SMCO4: variants seen among roughly 807,000 people sequenced by gnomAD.
The protein encoded by SMCO4 is single-pass membrane and coiled-coil domain-containing protein 4.
A neutral mutation model predicts 3.6 loss-of-function variants in SMCO4; 4 were observed. That is an observed-to-expected ratio of 1.11 (90% CI 0.54 to 2.53). SMCO4 has a LOEUF of 2.53. Ranked by LOEUF, SMCO4 falls within the 30% of genes most tolerant of loss-of-function variation. The pLI, the probability that SMCO4 is intolerant of heterozygous loss-of-function variation, is 0.02. For synonymous variants in SMCO4, 36 were observed against 35.3 expected (o/e 1.02, Z -0.07); for missense variants, 70 against 80.8 (o/e 0.87, Z 0.51).
intron 2 of SMCO4, among the ~76,000 whole-genome samples, chr11:93,485,867 C>T (rs1948642393): frequency 6.6e-6 from 1 of 152,136 alleles, no homozygotes; most frequent in African/African-American, 2.4e-5. Context: ...ATTTTTACCC[C>T]CATTTAAATG....
At chr11:93,512,288 C>T (rs1311742601) in intron 1 of SMCO4, among the ~76,000 whole-genome samples, 2 of 152,162 alleles carry the variant, frequency 1.3e-5, no homozygotes, top group African/African-American at 4.8e-5. Flanking sequence ...TATAATGAAG[C>T]TGAAAACGTC....
chr11:93,492,981 C>A (rs141058356), intron 2 of SMCO4, among the ~76,000 whole-genome samples: 17 of 152,240 alleles, frequency 1.1e-4, no homozygotes, highest in African/African-American at 4.1e-4. Flanking sequence ...TCCTAAGAGT[C>A]TATTTTAGGG....
chr11:93,493,213 A>G (rs548771132), intron 2 of SMCO4, among the ~76,000 whole-genome samples: 1 of 152,288 alleles, frequency 6.6e-6, no homozygotes, highest in South Asian at 2.1e-4. Context: ...CACTGGTCCA[A>G]CTGCAGACTG....
chr11:93,547,023 G>T (rs1268457254), upstream of SMCO4, among the ~76,000 whole-genome samples: 1 of 152,148 alleles, frequency 6.6e-6, no homozygotes, highest in African/African-American at 2.4e-5. Context: ...AGAGTTCTGT[G>T]GTACATTATT....
At chr11:93,492,720 G>C (rs1948732860) in intron 2 of SMCO4, among the ~76,000 whole-genome samples, 1 of 152,168 alleles carries the variant, frequency 6.6e-6, no homozygotes, top group African/African-American at 2.4e-5. Flanking sequence ...GGTTTTAAGG[G>C]GTAGCAAGGG....
At chr11:93,498,028 C>T (rs771975412) in intron 2 of SMCO4, among the ~76,000 whole-genome samples, 2 of 152,040 alleles carry the variant, frequency 1.3e-5, no homozygotes, top group Non-Finnish European at 2.9e-5. Context: ...CACACACTTG[C>T]GAAGTCTCAC....
chr11:93,513,992 G>C (rs1307524209), intron 1 of SMCO4, among the ~76,000 whole-genome samples: 2 of 152,100 alleles, frequency 1.3e-5, no homozygotes, highest in Admixed American at 1.3e-4. Context: ...AGCTGCTTCA[G>C]GGCAGGGACC....
In SMCO4 at chr11:93,512,651, G is replaced by C. The variant is rs190753719; in HGVS notation, c.-153-13303C>G. 3.6e-4 allele frequency among the ~76,000 whole-genome samples: 55 copies of C among 152,294 alleles called. 1 individual carries two copies. The highest frequency in any genetic ancestry group is 1.3e-3 in the African/African-American group (53 of 41,572). On this transcript the variant is annotated intron_variant, in intron 1 of 2. Coordinates refer to ENST00000298966, the MANE Select transcript of SMCO4 (RefSeq NM_020179.3). ...CATGCTGTAAAGGTTTGTAGCCTAG[G>C]AGCAATAGGCTATAGACACATTGTC... is the stretch of plus-strand genomic sequence containing the variant.
At chr11:93,523,255 G>A (rs981268182) in intron 1 of SMCO4, 3 of 152,346 alleles carry the variant, frequency 2.0e-5, no homozygotes, top group African/African-American at 7.2e-5. Flanking sequence ...CTGAGCTCAG[G>A]AGATGAGCTG....
At chr11:93,518,564 A>C (rs1052308117) in intron 1 of SMCO4, among the ~76,000 whole-genome samples, 3 of 152,382 alleles carry the variant, frequency 2.0e-5, no homozygotes, top group African/African-American at 7.2e-5. Context: ...AATTCTGCAA[A>C]GAAAAGCCAG....
At chr11:93,531,930 T>C (rs950235742) in intron 1 of SMCO4, among the ~76,000 whole-genome samples, 13 of 152,192 alleles carry the variant, frequency 8.5e-5, no homozygotes, top group African/African-American at 3.1e-4. Flanking sequence ...TATCTACCTA[T>C]AAGCTGGAAG....
In SMCO4 at chr11:93,478,916, A is replaced by G; in HGVS notation, c.*94T>C. 1 of 1,476,162 alleles carries G rather than the reference A, an allele frequency of 6.8e-7. No homozygotes were observed. The highest frequency in any genetic ancestry group is 2.4e-5 in the East Asian group (1 of 40,960). 91.4% of individuals were successfully genotyped at this position (1,476,162 alleles called of 1,614,324 possible). A position where few individuals can be genotyped will look rare whatever the true frequency, so the allele number is the denominator to read the frequency against. On this transcript the variant is annotated 3_prime_UTR_variant, in exon 3 of 3. Coordinates refer to ENST00000298966, the MANE Select transcript of SMCO4 (RefSeq NM_020179.3). Reference sequence around the variant, plus strand: ...GTGCTCCTGCTTACAGCTCAGCAACATGAACATCTCTGAATATGAAAGCCA... The same window carrying G: ...GTGCTCCTGCTTACAGCTCAGCAACGTGAACATCTCTGAATATGAAAGCCA...
chr11:93,506,316 T>A (rs1283994470), intron 1 of SMCO4, among the ~76,000 whole-genome samples: 2 of 152,272 alleles, frequency 1.3e-5, no homozygotes, highest in Non-Finnish European at 2.9e-5. Context: ...TTCAACTGTG[T>A]TGACACTTAC....
At chr11:93,492,967 G>C (rs1046812518) in intron 2 of SMCO4, among the ~76,000 whole-genome samples, 7 of 152,124 alleles carry the variant, frequency 4.6e-5, no homozygotes, top group Non-Finnish European at 7.4e-5. Flanking sequence ...TGTTCTCCAA[G>C]GTCTCCTAAG....
At chr11:93,535,498 G>A (rs765170857) in intron 1 of SMCO4, 263 of 1,369,388 alleles carry the variant, frequency 1.9e-4, no homozygotes, top group Non-Finnish European at 2.5e-4. Flanking sequence ...AGCAGCTCCT[G>A]ACGGAGCTGA....
At chr11:93,549,670 G>T in the SMCO4 span, among the ~76,000 whole-genome samples, 1 of 151,368 alleles carries the variant, frequency 6.6e-6, no homozygotes, top group Non-Finnish European at 1.5e-5. Context: ...TGTTGCCCAG[G>T]CTGTTCTTGA....
intron 2 of SMCO4, among the ~76,000 whole-genome samples, chr11:93,488,912 T>C (rs1264784860): frequency 2.6e-5 from 4 of 151,910 alleles, no homozygotes; most frequent in African/African-American, 7.3e-5. Context: ...AGGAAGACGA[T>C]GGTGGCTTGG....
At chr11:93,551,997 T>C in the SMCO4 span, among the ~76,000 whole-genome samples, 1 of 152,120 alleles carries the variant, frequency 6.6e-6, no homozygotes, top group Non-Finnish European at 1.5e-5. Flanking sequence ...GCAACAGTCA[T>C]TGAACAACAG....
upstream of SMCO4, among the ~76,000 whole-genome samples, chr11:93,546,146 G>A (rs1949313817): frequency 6.6e-6 from 1 of 152,222 alleles, no homozygotes; most frequent in South Asian, 2.1e-4. Flanking sequence ...AGGCACTCCT[G>A]CAGTTACAAG....
Sources: allele counts gnomAD v4.1 joint callset (sites outside exome capture counted in the v4.1 genomes callset), GRCh38; gene constraint gnomAD v4.1.1; transcripts MANE v1.5; gene names NCBI Gene and HGNC (gene_info 2026-07-23, HGNC 2026-07-21).